The following CFAP44 variants were observed in gnomAD, a reference collection of about 807,000 sequenced individuals.
CFAP44 encodes the protein cilia and flagella associated protein 44.
In CFAP44, 134 loss-of-function variants were observed where a neutral mutation model predicts 216.2. That is an observed-to-expected ratio of 0.62 (90% CI 0.54 to 0.72). The LOEUF is 0.72. CFAP44 is among the 30% of genes least tolerant of loss of function. The pLI is 0.00. For missense variants in CFAP44, 2,035 were observed against 2,182.1 expected, an observed-to-expected ratio of 0.93 and a Z score of 1.34; for synonymous variants, 700 against 727.6, an observed-to-expected ratio of 0.96 and a Z score of 0.61.
At chr3:113,292,861 G>A (rs1301116559) in intron 34 of CFAP44, among the ~76,000 whole-genome samples, 1 of 152,210 alleles carries the variant, frequency 6.6e-6, no homozygotes, top group Middle Eastern at 3.2e-3. Context: ...GCTAGAGAGA[G>A]CTAAGTGGAT....
intron 28 of CFAP44, among the ~76,000 whole-genome samples, chr3:113,311,694 G>C (rs1161361646): frequency 6.6e-6 from 1 of 152,154 alleles, no homozygotes; most frequent in Non-Finnish European, 1.5e-5. Flanking sequence ...TTTGGAACTG[G>C]GTAACAGGCA....
chr3:113,422,204 T>C (rs1037216466), intron 4 of CFAP44, among the ~76,000 whole-genome samples: 4 of 152,314 alleles, frequency 2.6e-5, no homozygotes, highest in Middle Eastern at 3.4e-3. Context: ...TTCACAATAA[T>C]TTGTTGCTGA....
intron 22 of CFAP44, among the ~76,000 whole-genome samples, chr3:113,354,212 G>A (rs1950473700): frequency 6.6e-6 from 1 of 152,214 alleles, no homozygotes; most frequent in Non-Finnish European, 1.5e-5. Flanking sequence ...GATGGGGACA[G>A]AGCATCATGT....
In CFAP44 at chr3:113,366,022, G is replaced by T; in HGVS notation, c.2715+17C>A. 1 of 1,578,838 alleles carries T rather than the reference G, an allele frequency of 6.3e-7. No individual in the cohort carries two copies. The highest frequency in any genetic ancestry group is 8.6e-7 in the Non-Finnish European group (1 of 1,162,752). Reference sequence around the variant, plus strand: ...AATACAGTTTGTTATTAATTAACTGGTTAATTAATTACATACCCTGGGAGA... The same window carrying T: ...AATACAGTTTGTTATTAATTAACTGTTTAATTAATTACATACCCTGGGAGA... On this transcript the variant is annotated intron_variant, in intron 19 of 34. Coordinates refer to ENST00000393845, the MANE Select transcript of CFAP44 (RefSeq NM_001164496.2).
At chr3:113,327,001 A>G (rs1459594410) in intron 27 of CFAP44, among the ~76,000 whole-genome samples, 2 of 152,132 alleles carry the variant, frequency 1.3e-5, no homozygotes, top group East Asian at 3.8e-4. Flanking sequence ...ATTGATATAT[A>G]ACTAAAACAA....
At position 113,321,646 on chromosome 3, in the gene CFAP44, C is replaced by G. The variant is rs1415790274; in HGVS notation, c.4516+4799G>C. Among the ~76,000 whole-genome samples, 3 of 152,214 alleles carry G rather than the reference C, an allele frequency of 2.0e-5. No individual in the cohort carries two copies. In the East Asian group the frequency reaches 5.8e-4, roughly 29 times the overall value. On this transcript the variant is annotated intron_variant, in intron 28 of 34. Coordinates refer to ENST00000393845, the MANE Select transcript of CFAP44 (RefSeq NM_001164496.2). ...AAAGATTGCCAAGAGGCTACTACAACTGGTAAATATTTTTAGCAAGGTTTT... is the reference window on the plus strand; with the variant it reads ...AAAGATTGCCAAGAGGCTACTACAAGTGGTAAATATTTTTAGCAAGGTTTT...
chr3:113,359,062 C>T (rs1315639760), intron 21 of CFAP44, among the ~76,000 whole-genome samples, 187 bp from the exon 22 acceptor site: 1 of 152,140 alleles, frequency 6.6e-6, no homozygotes, highest in Non-Finnish European at 1.5e-5. Flanking sequence ...ATGTTCTTCG[C>T]AATTAACAAT....
At chr3:113,337,503 T>A (rs1035495139) in intron 24 of CFAP44, among the ~76,000 whole-genome samples, 2 of 152,156 alleles carry the variant, frequency 1.3e-5, no homozygotes, top group South Asian at 2.1e-4. Flanking sequence ...TCTAAAATAA[T>A]TTTGAAAAAT....
chr3:113,330,680 A>C lies in CFAP44; in HGVS notation c.3616-12T>G. 1 of 1,523,154 alleles carries C rather than the reference A, an allele frequency of 6.6e-7. No individual in the cohort carries two copies. Among genetic ancestry groups the C allele is most frequent in the Non-Finnish European group, 8.8e-7 (1 of 1,141,564 alleles). 94.4% of individuals were successfully genotyped at this position (1,523,154 alleles called of 1,614,324 possible). A position where few individuals can be genotyped will look rare whatever the true frequency, so the allele number is the denominator to read the frequency against. On this transcript the variant is annotated splice_polypyrimidine_tract_variant and intron_variant, in intron 25 of 34. Transcript: ENST00000393845. ...TTATTTCCATGGACCTGAAAAAAAG[A>C]AGAGGAAGGAAACAACAGTACAACC...
intron 23 of CFAP44, among the ~76,000 whole-genome samples, chr3:113,344,034 C>T (rs1409801664): frequency 6.6e-6 from 1 of 152,158 alleles, no homozygotes; most frequent in African/African-American, 2.4e-5. Flanking sequence ...TATTTTCATA[C>T]CTCTATTCTC....
At chr3:113,394,505 C>T (rs1450021906) in intron 15 of CFAP44, among the ~76,000 whole-genome samples, 3 of 152,194 alleles carry the variant, frequency 2.0e-5, no homozygotes, top group Non-Finnish European at 2.9e-5. Flanking sequence ...TTCATTTGGT[C>T]ATATCCTACC....
chr3:113,312,837 G>T (rs1950052601), intron 28 of CFAP44, among the ~76,000 whole-genome samples: 1 of 152,174 alleles, frequency 6.6e-6, no homozygotes, highest in Non-Finnish European at 1.5e-5. Flanking sequence ...CAGAAGTCAA[G>T]AATTCAGGTT....
At position 113,294,826 on chromosome 3, in the gene CFAP44, C is replaced by G; in HGVS notation, c.5239-5G>C. Reference sequence around the variant, plus strand: ...TCGCATTTGAGCAATCTTTTCCTACCAGGGTGGGAAGATGCAAAATAGATG... The same window carrying G: ...TCGCATTTGAGCAATCTTTTCCTACGAGGGTGGGAAGATGCAAAATAGATG... On this transcript the variant is annotated splice_polypyrimidine_tract_variant and splice_region_variant and intron_variant, in intron 33 of 34. Transcript: ENST00000393845. The G allele has an allele frequency of 3.3e-6, 5 of 1,523,672 alleles. No homozygotes were observed. Among genetic ancestry groups the G allele is most frequent in the East Asian group, 2.5e-5 (1 of 40,396 alleles). The allele number at this position is 1,523,672 out of a possible 1,614,324, so 94.4% of individuals were successfully genotyped here.
chr3:113,356,250 TTTA>T (rs1950491476), intron 22 of CFAP44, among the ~76,000 whole-genome samples: 1 of 151,034 alleles, frequency 6.6e-6, no homozygotes, highest in South Asian at 2.1e-4. Context: ...TAAGATAATA[TTTA>T]TTATTTAATT....
chr3:113,342,419 C>T (rs1426783677), intron 23 of CFAP44, among the ~76,000 whole-genome samples: 1 of 152,000 alleles, frequency 6.6e-6, no homozygotes, highest in Non-Finnish European at 1.5e-5. Context: ...TGTGGAATGT[C>T]AAAATAAAAA....
chr3:113,409,027 A>AGT, intron 7 of CFAP44, 79 bp downstream of exon 7: 1 of 852,506 alleles, frequency 1.2e-6, no homozygotes. Context: ...AAAAAAAAAA[A>AGT]AAGTCTCCAG....
chr3:113,362,844 A>G, intron 21 of CFAP44: 1 of 1,122,710 alleles, frequency 8.9e-7, no homozygotes, highest in South Asian at 3.7e-5. Flanking sequence ...ATGTCTCTAT[A>G]AAAGAAAACT....
At chr3:113,404,645 G>A (rs1056725079) in intron 8 of CFAP44, among the ~76,000 whole-genome samples, 1 of 152,110 alleles carries the variant, frequency 6.6e-6, no homozygotes, top group Admixed American at 6.6e-5. Context: ...AAAACCATAT[G>A]AACTAGGTAC....
chr3:113,314,244 A>G (rs1332992177), intron 28 of CFAP44, among the ~76,000 whole-genome samples: 1 of 152,210 alleles, frequency 6.6e-6, no homozygotes, highest in Non-Finnish European at 1.5e-5. Flanking sequence ...CAAACTTCTG[A>G]AAACTAAAGA....
Sources: gnomAD v4.1 joint callset for allele counts (sites outside exome capture counted in the v4.1 genomes callset) on GRCh38, gnomAD v4.1.1 for gene constraint, MANE v1.5 for transcripts, NCBI Gene and HGNC (gene_info 2026-07-23, HGNC 2026-07-21) for gene names.